TSNARE1: variants seen among roughly 807,000 people sequenced by gnomAD.
The protein encoded by TSNARE1 is t-SNARE domain containing 1.
In TSNARE1, 49 loss-of-function variants were observed where a neutral mutation model predicts 62.0. The ratio of observed to expected loss-of-function variants is 0.79; its 90% CI spans 0.63 to 1.00. TSNARE1 has a LOEUF of 1.00. TSNARE1 is among the 50% of genes least tolerant of loss of function. The pLI, the probability that TSNARE1 is intolerant of heterozygous loss-of-function variation, is 0.00. For missense variants in TSNARE1, 755 were observed against 700.1 expected (o/e 1.08, Z -0.88); for synonymous variants, 328 against 294.4 (o/e 1.11, Z -1.17).
chr8:142,293,147 A>G (rs1824090990), intron 10 of TSNARE1, among the ~76,000 whole-genome samples: 1 of 152,218 alleles, frequency 6.6e-6, no homozygotes, highest in Non-Finnish European at 1.5e-5. Context: ...GCAGGCCATC[A>G]GCAGCATCTG....
intron 4 of TSNARE1, among the ~76,000 whole-genome samples, chr8:142,338,062 A>G (rs1832018523): frequency 1.3e-5 from 2 of 152,196 alleles, no homozygotes; most frequent in Non-Finnish European, 2.9e-5. Flanking sequence ...CATCTGAGCA[A>G]CTTCACTAAC....
At chr8:142,229,897 TC>T (rs1817022044) in intron 12 of TSNARE1, among the ~76,000 whole-genome samples, 1 of 152,270 alleles carries the variant, frequency 6.6e-6, no homozygotes, top group Non-Finnish European at 1.5e-5. Flanking sequence ...CTCGGCTGTT[TC>T]TCTTCTTGGT....
At chr8:142,362,718 T>C (rs974151598) in intron 1 of TSNARE1, among the ~76,000 whole-genome samples, 1 of 151,868 alleles carries the variant, frequency 6.6e-6, no homozygotes, top group Non-Finnish European at 1.5e-5. Flanking sequence ...TTTCAATGAG[T>C]TTTGGAGGGG....
At chr8:142,234,015 T>C (rs1817261710) in intron 12 of TSNARE1, among the ~76,000 whole-genome samples, 1 of 152,206 alleles carries the variant, frequency 6.6e-6, no homozygotes, top group Non-Finnish European at 1.5e-5. Flanking sequence ...CCATCCTGAA[T>C]GTGGCAGGTG....
chr8:142,252,673 C>T (rs192804482), intron 12 of TSNARE1, among the ~76,000 whole-genome samples: 2 of 152,356 alleles, frequency 1.3e-5, no homozygotes, highest in East Asian at 3.9e-4. Flanking sequence ...AGCATTTATC[C>T]TTCCCTGGAA....
At position 142,276,506 on chromosome 8, in the gene TSNARE1, TGA is replaced by T. The variant is rs574700634; in HGVS notation, c.1364-1645_1364-1644del. ...AACAGCCTGGCCTCGCTTCTGTTGC[TGA>T]GAGGTGAATGTGGACAGTGGAGAGC... On this transcript the variant is annotated intron_variant, in intron 11 of 13. Coordinates refer to ENST00000524325, the MANE Select transcript of TSNARE1 (RefSeq NM_145003.5). 66 of 985,430 alleles carry T rather than the reference TGA, an allele frequency of 6.7e-5. 3 individuals are homozygous for T. In the East Asian group the frequency reaches 3.6e-3, roughly 54 times the overall value. 61.0% of individuals were successfully genotyped at this position (985,430 alleles called of 1,614,324 possible).
chr8:142,311,685 C>T (rs1186639499), intron 9 of TSNARE1, among the ~76,000 whole-genome samples: 1 of 152,180 alleles, frequency 6.6e-6, no homozygotes, highest in Non-Finnish European at 1.5e-5. Context: ...GGAAAACTCT[C>T]AATCGTTACC....
rs58013430 is a variant in TSNARE1 at position 142,346,279 on chromosome 8, C to T, written c.89-387G>A. 5.6e-3 allele frequency among the ~76,000 whole-genome samples: 848 copies of T among 152,336 alleles called. 24 individuals carry two copies. The South Asian group carries it at 0.076, about 14-fold the overall frequency. ...CAATTTGAAACTGCTGCGACCTCCA[C>T]GCTCAGAATCATTCTACTGCATTTT... is the stretch of plus-strand genomic sequence containing the variant. On this transcript the variant is annotated intron_variant, in intron 2 of 13. Transcript: ENST00000524325.
intron 10 of TSNARE1, among the ~76,000 whole-genome samples, chr8:142,290,938 GAC>G (rs1372148395): frequency 1.3e-5 from 2 of 152,228 alleles, no homozygotes; most frequent in African/African-American, 4.8e-5. Context: ...GCCCAGTGCA[GAC>G]ACAGAGGGGC....
chr8:142,228,276 G>T (rs1440071315), intron 13 of TSNARE1, among the ~76,000 whole-genome samples: 1 of 152,196 alleles, frequency 6.6e-6, no homozygotes, highest in African/African-American at 2.4e-5. Flanking sequence ...AGCTAACTTG[G>T]CATGCAGTAC....
upstream of TSNARE1, chr8:142,406,729 T>G: frequency 6.6e-6 from 1 of 151,890 alleles, no homozygotes; most frequent in Admixed American, 6.6e-5. Flanking sequence ...TGCCCAAGAG[T>G]GAGGTTGGTA....
chr8:142,242,315 A>C lies in TSNARE1; in HGVS notation c.1447-12736T>G, dbSNP rs527952467. On this transcript the variant is annotated intron_variant, in intron 12 of 13. Transcript: ENST00000524325. The stretch of plus-strand genomic sequence containing the variant: ...AGACCTAAAACTGTAAAACTACTAG[A>C]AGAAAACATAGGGAGAACTTTTCTT... Among the ~76,000 whole-genome samples, 6 of 152,310 alleles carry C rather than the reference A, an allele frequency of 3.9e-5. 1 individual carries two copies. In the South Asian group the frequency reaches 1.2e-3, roughly 32 times the overall value.
chr8:142,317,367 G>C (rs111906774), intron 7 of TSNARE1, among the ~76,000 whole-genome samples: 4 of 120,894 alleles, frequency 3.3e-5, no homozygotes, highest in African/African-American at 1.4e-4. Flanking sequence ...CGCGTGAAGC[G>C]GGTATGGCCA....
intron 6 of TSNARE1, among the ~76,000 whole-genome samples, chr8:142,321,509 C>A (rs1829480101): frequency 6.6e-6 from 1 of 151,936 alleles, no homozygotes; most frequent in Non-Finnish European, 1.5e-5. Flanking sequence ...AGCAAACAGA[C>A]CAATAATAGA....
intron 12 of TSNARE1, among the ~76,000 whole-genome samples, chr8:142,231,660 G>A (rs1220116372): frequency 1.3e-5 from 2 of 152,168 alleles, no homozygotes; most frequent in African/African-American, 2.4e-5. Context: ...CATCGTCCCA[G>A]TCAGTAGTAC....
At chr8:142,261,449 G>A (rs1818885006) in intron 12 of TSNARE1, among the ~76,000 whole-genome samples, 1 of 151,600 alleles carries the variant, frequency 6.6e-6, no homozygotes, top group South Asian at 2.1e-4. Context: ...GAGGACCGGG[G>A]AGGGAGAGTG....
chr8:142,371,678 T>A, intron 1 of TSNARE1, among the ~76,000 whole-genome samples: 1 of 152,126 alleles, frequency 6.6e-6, no homozygotes, highest in Non-Finnish European at 1.5e-5. Context: ...GAGGTGGTGG[T>A]TCCAGGGGTG....
At chr8:142,233,427 G>C (rs1469506558) in intron 12 of TSNARE1, among the ~76,000 whole-genome samples, 2 of 152,164 alleles carry the variant, frequency 1.3e-5, no homozygotes, top group Non-Finnish European at 2.9e-5. Flanking sequence ...AGAACTGCCT[G>C]GGGCACGGTT....
chr8:142,238,907 C>T (rs1225129502), intron 12 of TSNARE1, among the ~76,000 whole-genome samples: 1 of 152,098 alleles, frequency 6.6e-6, no homozygotes, highest in Non-Finnish European at 1.5e-5. Flanking sequence ...CAGGAAGCCT[C>T]TCAGACTTCT....
Sources: gnomAD v4.1 joint callset for allele counts (sites outside exome capture counted in the v4.1 genomes callset) on GRCh38, gnomAD v4.1.1 for gene constraint, MANE v1.5 for transcripts, NCBI Gene and HGNC (gene_info 2026-07-23, HGNC 2026-07-21) for gene names.